TACC2: variants seen among roughly 807,000 people sequenced by gnomAD.
TACC2 encodes the protein transforming acidic coiled-coil containing protein 2, also known as transforming acidic coiled-coil-containing protein 2.
Under a neutral mutation model 227.3 loss-of-function variants are expected in TACC2, and 137 were observed. The observed-to-expected ratio is 0.60, with a 90% CI of 0.52 to 0.69. The LOEUF (loss-of-function observed/expected upper bound fraction) is 0.69. Among genes scored for constraint, TACC2 ranks in the 30% least tolerant of loss-of-function variants. The pLI, the probability that TACC2 is intolerant of heterozygous loss-of-function variation, is 0.00. For missense variants in TACC2, 3,470 were observed against 3,694.4 expected (o/e 0.94, Z 1.57); for synonymous variants, 1,523 against 1,487.5 (o/e 1.02, Z -0.55).
chr10:122,124,529 C>T (rs112480840), intron 5 of TACC2, among the ~76,000 whole-genome samples: 6 of 152,204 alleles, frequency 3.9e-5, no homozygotes, highest in East Asian at 1.9e-4. Context: ...TCTGAGGTTC[C>T]GGGGCCCCTG....
intron 7 of TACC2, among the ~76,000 whole-genome samples, chr10:122,159,369 C>A (rs1394641572): frequency 1.3e-5 from 2 of 152,228 alleles, no homozygotes; most frequent in East Asian, 3.9e-4. Context: ...AAGCCCGGCA[C>A]CGCACCATTC....
intron 6 of TACC2, among the ~76,000 whole-genome samples, chr10:122,133,506 CAT>C (rs2088834434): frequency 6.6e-6 from 1 of 152,202 alleles, no homozygotes; most frequent in African/African-American, 2.4e-5. Context: ...TGTATGTCTA[CAT>C]GTCTATACAC....
intron 8 of TACC2, among the ~76,000 whole-genome samples, chr10:122,198,242 C>T (rs1183492770): frequency 6.6e-6 from 1 of 152,204 alleles, no homozygotes; most frequent in Non-Finnish European, 1.5e-5. Flanking sequence ...GACCACACTC[C>T]TGAGGCAGAA....
chr10:122,180,884 C>T lies in TACC2; in HGVS notation c.5835-14156C>T, dbSNP rs1363319203. ...GCCTCTCCTGCCTCAGCTGGGATTA[C>T]AGGCACGCGCCCCCATGTCCACCTA... On this transcript the variant is annotated intron_variant, in intron 7 of 22. Coordinates refer to ENST00000369005, the MANE Select transcript of TACC2 (RefSeq NM_206862.4). This position sits in a 1 kb window ranked among gnomAD's most constrained non-coding sequence, Gnocchi z 4.5. Among the ~76,000 whole-genome samples the T allele has an allele frequency of 6.6e-6, 1 of 152,154 alleles. No individual in the cohort carries two copies. The highest frequency in any genetic ancestry group is 6.5e-5 in the Admixed American group (1 of 15,270).
Position 122,141,681 on chromosome 10 carries a change from T to TC in TACC2, c.5700-1884dup, listed in dbSNP as rs948292622. Reference sequence around the variant, plus strand: ...CGGGCCACAGATCTAAGGTAGCATCTCCCCCCCACCCGCCACTGTTTTCTA... The same window carrying TC: ...CGGGCCACAGATCTAAGGTAGCATCTCCCCCCCCACCCGCCACTGTTTTCTA... On this transcript the variant is annotated intron_variant, in intron 6 of 22. Coordinates refer to ENST00000369005, the MANE Select transcript of TACC2 (RefSeq NM_206862.4). This position sits in a 1 kb window ranked among gnomAD's most constrained non-coding sequence, Gnocchi z 4.3. Among the ~76,000 whole-genome samples the TC allele has an allele frequency of 6.0e-5, 9 of 150,740 alleles. No individual in the cohort carries two copies. The highest frequency in any genetic ancestry group is 8.9e-5 in the Non-Finnish European group (6 of 67,458).
At position 122,087,763 on chromosome 10, in the gene TACC2, G is replaced by C. The variant is rs1022979827; in HGVS notation, c.5263G>C (p.Ala1755Pro). The change falls in exon 4 of 23, where the codon GCT becomes CCT. Residue 1755 changes from alanine (A) to proline (P), a missense_variant. Physicochemically the swap from Ala to Pro is conservative, Grantham distance 27 (BLOSUM62 -1). This residue lies in a region of TACC2 where 1,924 missense variants were observed against 1,978.3 expected (regional missense o/e 0.97). Transcript: ENST00000369005. ...SCQDPACSDK[A>P]PGMEGTAALH... is the part of the protein sequence containing the mutation. ...TCAGGACCCAGCCTGCTCTGACAAGGCTCCGGGGATGGAGGGTACAGCTGC... is the reference window on the plus strand; with the variant it reads ...TCAGGACCCAGCCTGCTCTGACAAGCCTCCGGGGATGGAGGGTACAGCTGC... The C allele has an allele frequency of 6.2e-7, 1 of 1,609,408 alleles. No homozygotes were observed. The highest frequency in any genetic ancestry group is 8.5e-7 in the Non-Finnish European group (1 of 1,177,996).
chr10:122,124,810 C>T (rs1284306216), intron 5 of TACC2, among the ~76,000 whole-genome samples: 2 of 152,206 alleles, frequency 1.3e-5, no homozygotes, highest in Non-Finnish European at 2.9e-5. Flanking sequence ...CATTTTATCA[C>T]ATGTGCTGTG....
intron 18 of TACC2, among the ~76,000 whole-genome samples, chr10:122,240,618 AGCTGGGAGGG>A (rs1445490494): frequency 2.4e-4 from 36 of 152,314 alleles, no homozygotes; most frequent in Middle Eastern, 3.4e-3. Flanking sequence ...AGGGTCACAC[AGCTGGGAGGG>A]GCAAGCTCAG....
chr10:122,169,029 G>A (rs2093340746), intron 7 of TACC2, among the ~76,000 whole-genome samples: 1 of 152,208 alleles, frequency 6.6e-6, no homozygotes, highest in Admixed American at 6.5e-5. Flanking sequence ...GGTTGGACAG[G>A]GGTTTAGGGG....
intron 3 of TACC2, 139 bp from the exon 4 acceptor site, chr10:122,082,508 A>G (rs1239495106): frequency 2.6e-5 from 23 of 889,958 alleles, no homozygotes; most frequent in Non-Finnish European, 3.8e-5. Context: ...ACAGAGAGGA[A>G]TGAGCTGCAT....
At chr10:122,018,975 G>A (rs1957014312) in intron 1 of TACC2, among the ~76,000 whole-genome samples, 1 of 152,194 alleles carries the variant, frequency 6.6e-6, no homozygotes, top group African/African-American at 2.4e-5. Context: ...GTCCTACCTT[G>A]TGGCAGGGGT....
At position 122,231,151 on chromosome 10, in the gene TACC2, G is replaced by A. The variant is rs79475005; in HGVS notation, c.8127+711G>A. 2.3e-4 allele frequency among the ~76,000 whole-genome samples: 35 copies of A among 152,312 alleles called. No homozygotes were observed. The East Asian group carries it at 6.0e-3, about 26-fold the overall frequency. On this transcript the variant is annotated intron_variant, in intron 16 of 22. Transcript: ENST00000369005. The stretch of plus-strand genomic sequence containing the variant: ...TAGCATGGAGTATGACATTGACAGG[G>A]CATGCAGAAATCTTTTCGCCTGGCT...
intron 2 of TACC2, among the ~76,000 whole-genome samples, chr10:122,037,518 G>A (rs867559963): frequency 6.6e-6 from 1 of 152,196 alleles, no homozygotes; most frequent in African/African-American, 2.4e-5. Context: ...GCCAGACTGA[G>A]CTCCCCATAA....
chr10:122,133,109 C>T (rs7922980), intron 6 of TACC2, among the ~76,000 whole-genome samples: 22,893 of 152,126 alleles, frequency 0.15, 2,608 homozygotes, highest in African/African-American at 0.31. Flanking sequence ...AGTTAGCTGC[C>T]TTCTGATCTC....
chr10:122,230,643 C>G (rs1041187655), intron 16 of TACC2, among the ~76,000 whole-genome samples: 4 of 152,232 alleles, frequency 2.6e-5, no homozygotes, highest in Non-Finnish European at 5.9e-5. Context: ...TAATGCTAAA[C>G]CGCGGGATAG....
At chr10:122,021,896 T>C in intron 1 of TACC2, 41 bp from the exon 2 acceptor site, 2 of 1,297,710 alleles carry the variant, frequency 1.5e-6, no homozygotes, top group Non-Finnish European at 2.2e-6. Flanking sequence ...CTCAGATCTT[T>C]TTTCATTTCA....
rs116909093 is a variant in TACC2 at position 122,159,503 on chromosome 10, G to C, written c.5834+15797G>C. 8.2e-4 allele frequency among the ~76,000 whole-genome samples: 125 copies of C among 152,326 alleles called. No homozygotes were observed. The East Asian group carries it at 0.019, about 23-fold the overall frequency. ...TTCGGCAAGGCAGTGAGCATGCCTA[G>C]CTCAGTGCAGGGCTCGGGCGTTCAG... On this transcript the variant is annotated intron_variant, in intron 7 of 22. Coordinates refer to ENST00000369005, the MANE Select transcript of TACC2 (RefSeq NM_206862.4).
At chr10:122,068,517 G>A (rs1039697423) in intron 3 of TACC2, among the ~76,000 whole-genome samples, 1 of 152,128 alleles carries the variant, frequency 6.6e-6, no homozygotes, top group Admixed American at 6.6e-5. Context: ...CGAGAGCAGT[G>A]TTTAGGTGAG....
chr10:122,175,433 C>T (rs757674631), intron 7 of TACC2, among the ~76,000 whole-genome samples: 2 of 152,214 alleles, frequency 1.3e-5, no homozygotes, highest in East Asian at 1.9e-4. Context: ...CCTTCATTCC[C>T]GTGCTAATCC....
Sources: gnomAD v4.1 joint callset for allele counts (sites outside exome capture counted in the v4.1 genomes callset) on GRCh38, gnomAD v4.1.1 for gene constraint, gnomAD v4.1.1 regional missense constraint, Gnocchi (gnomAD v3.1) non-coding constraint, MANE v1.5 for transcripts, NCBI Gene and HGNC (gene_info 2026-07-23, HGNC 2026-07-21) for gene names.